Variants in RAPGEF6 observed in about 807,000 individuals in gnomAD.
RAPGEF6 encodes Rap guanine nucleotide exchange factor 6, also known as PDZ domain containing guanine nucleotide exchange factor (GEF) 2.
A neutral mutation model predicts 171.4 loss-of-function variants in RAPGEF6; 56 were observed. The ratio of observed to expected loss-of-function variants is 0.33; its 90% CI spans 0.26 to 0.41. The LOEUF is 0.41. Ranked by LOEUF, RAPGEF6 falls within the 10% of genes least tolerant of loss-of-function variation. The pLI is 1.00. For missense variants in RAPGEF6, 1,674 were observed against 1,921.4 expected (o/e 0.87, Z 2.41); for synonymous variants, 692 against 650.1 (o/e 1.06, Z -0.98).
intron 4 of RAPGEF6, among the ~76,000 whole-genome samples, chr5:131,565,956 T>C (rs897725921): frequency 1.3e-5 from 2 of 151,882 alleles, no homozygotes; most frequent in African/African-American, 2.4e-5. Context: ...GACCAGCCTG[T>C]CCAACATGGC....
intron 6 of RAPGEF6, among the ~76,000 whole-genome samples, chr5:131,522,687 C>T (rs1758579187): frequency 6.6e-6 from 1 of 152,112 alleles, no homozygotes. Context: ...CAGTATCTGG[C>T]CTCTGACGTT....
chr5:131,443,596 T>C (rs544475761), intron 22 of RAPGEF6, among the ~76,000 whole-genome samples: 2 of 152,348 alleles, frequency 1.3e-5, no homozygotes, highest in South Asian at 2.1e-4. Context: ...AACTTGCCCC[T>C]GCTTTTAGAA....
chr5:131,544,506 CCA>C (rs1760376790), intron 6 of RAPGEF6, among the ~76,000 whole-genome samples: 1 of 151,882 alleles, frequency 6.6e-6, no homozygotes, highest in Non-Finnish European at 1.5e-5. Flanking sequence ...TAAGACTAAT[CCA>C]CAGTGACAGA....
chr5:131,449,361 G>T (rs1165084769), intron 21 of RAPGEF6, among the ~76,000 whole-genome samples: 2 of 152,182 alleles, frequency 1.3e-5, no homozygotes, highest in African/African-American at 4.8e-5. Context: ...TTCAGTCAAT[G>T]CTACAAGTAA....
In RAPGEF6 at chr5:131,573,197, C is replaced by A. The variant is rs112752337; in HGVS notation, c.282-11150G>T. 1.8e-3 allele frequency among the ~76,000 whole-genome samples: 272 copies of A among 152,224 alleles called. 1 individual carries two copies. The highest frequency in any genetic ancestry group is 5.8e-3 in the African/African-American group (241 of 41,536). ...AATTCTTCGGCAGCCTCTGCTCCCC[C>A]ACTCTATAACCCTTCCATTACCTCC... On this transcript the variant is annotated intron_variant, in intron 4 of 27. Coordinates refer to ENST00000509018, the MANE Select transcript of RAPGEF6 (RefSeq NM_016340.6).
chr5:131,613,434 T>C (rs1316866343), intron 1 of RAPGEF6, among the ~76,000 whole-genome samples: 1 of 143,992 alleles, frequency 6.9e-6, no homozygotes, highest in African/African-American at 2.5e-5. Context: ...TGTGACTCTC[T>C]CTCTCTCTTC....
At chr5:131,597,884 G>A (rs2150009155) in intron 3 of RAPGEF6, among the ~76,000 whole-genome samples, 2 of 152,208 alleles carry the variant, frequency 1.3e-5, no homozygotes, top group South Asian at 4.1e-4. Context: ...ACCAAAAAAT[G>A]ATTAAATGTA....
Position 131,446,511 on chromosome 5 carries a change from T to C in RAPGEF6, c.3393A>G (p.Ser1131=). ...TACCATATGCAGGCTCCCACTGTAA[T>C]GACATCATCTGGAACTTCTCCTCAT... is the stretch of plus-strand genomic sequence containing the variant. The part of the protein sequence containing the change: ...ETDEEKFQMM[S]LQWEPAYGTL... The change falls in exon 22 of 28, where the codon TCA becomes TCG. Residue 1131 remains serine (S), a synonymous_variant. Coordinates refer to ENST00000509018, the MANE Select transcript of RAPGEF6 (RefSeq NM_016340.6). 1 of 1,614,222 alleles carries C rather than the reference T, an allele frequency of 6.2e-7. No individual in the cohort carries two copies. Among genetic ancestry groups the C allele is most frequent in the South Asian group, 1.1e-5 (1 of 91,088 alleles).
In RAPGEF6 at chr5:131,548,054, T is replaced by G. The variant is rs759727124; in HGVS notation, c.488A>C (p.Tyr163Ser). Residue 163 changes from tyrosine to serine, a missense_variant, in exon 6 of 28, where the codon TAT becomes TCT. Tyr to Ser is a moderately radical substitution (Grantham distance 144). Around this residue, in one of 3 missense-constraint regions of RAPGEF6, gnomAD observed 1,116 missense variants for 1,321.5 expected, o/e 0.84. Coordinates refer to ENST00000509018, the MANE Select transcript of RAPGEF6 (RefSeq NM_016340.6). ...GTTCCTAAATATACTCACAGAAAGA[T>G]AGCTGTTAACCTCCACATCATCAGT... is the stretch of plus-strand genomic sequence containing the variant. ...TITDDVEVNSYLSLPADLTKM... is the reference protein window; with the variant it reads ...TITDDVEVNSSLSLPADLTKM... The G allele has an allele frequency of 6.2e-7, 1 of 1,613,582 alleles. No individual in the cohort carries two copies. The highest frequency in any genetic ancestry group is 8.5e-7 in the Non-Finnish European group (1 of 1,179,812).
At chr5:131,496,728 C>T (rs192548848) in intron 12 of RAPGEF6, among the ~76,000 whole-genome samples, 8 of 152,152 alleles carry the variant, frequency 5.3e-5, no homozygotes, top group African/African-American at 1.4e-4. Flanking sequence ...TATTGTACGG[C>T]TATACCACAT....
rs371030540 is a variant in RAPGEF6 at position 131,433,526 on chromosome 5, C to G, written c.3878G>C (p.Cys1293Ser). 9 of 1,613,826 alleles carry G rather than the reference C, an allele frequency of 5.6e-6. No homozygotes were observed. Among genetic ancestry groups the G allele is most frequent in the Non-Finnish European group, 6.8e-6 (8 of 1,179,736 alleles). ...AGGGACTGCCAGGGCCTGAGAGGAA[C>G]ACCGTTCATCCTGTAGAGCTGCAGA... is the stretch of plus-strand genomic sequence containing the variant. ...SMSAALQDERCSSQALAVPES... is the reference protein window; with the variant it reads ...SMSAALQDERSSSQALAVPES... Residue 1293 changes from cysteine (C) to serine (S), a missense_variant, in exon 25 of 28, where the codon TGT becomes TCT. Physicochemically the swap from Cys to Ser is moderately radical, Grantham distance 112 (BLOSUM62 -1). This residue lies in a region of RAPGEF6 where 552 missense variants were observed against 574.2 expected (regional missense o/e 0.96). Coordinates refer to ENST00000509018, the MANE Select transcript of RAPGEF6 (RefSeq NM_016340.6).
Position 131,472,662 on chromosome 5 carries a change from G to A in RAPGEF6, c.2164C>T (p.Pro722Ser), listed in dbSNP as rs1307292226. Reference sequence around the variant, plus strand: ...GGGCTGCTGGATGAGAGTGTTCCAGGGATGGGCATTATAGCCAGACTATGC... The same window carrying A: ...GGGCTGCTGGATGAGAGTGTTCCAGAGATGGGCATTATAGCCAGACTATGC... ...CRHSLAIMPI[P>S]GTLSSSSPDL... is the part of the protein sequence containing the mutation. Residue 722 changes from proline (P) to serine (S), a missense_variant, in exon 17 of 28, where the codon CCT becomes TCT. By Grantham distance (74) the Pro-to-Ser change is moderately conservative (BLOSUM62 -1). Transcript: ENST00000509018. 6.2e-7 allele frequency: 1 copy of A among 1,613,642 alleles called. No individual in the cohort carries two copies. The highest frequency in any genetic ancestry group is 1.7e-5 in the Admixed American group (1 of 60,016).
intron 3 of RAPGEF6, among the ~76,000 whole-genome samples, chr5:131,598,205 T>A (rs1451201365): frequency 6.6e-6 from 1 of 151,468 alleles, no homozygotes; most frequent in African/African-American, 2.4e-5. Context: ...TTCACATGAG[T>A]GGGTATTTTA....
chr5:131,538,326 C>T (rs772296195), intron 6 of RAPGEF6, among the ~76,000 whole-genome samples: 1 of 152,122 alleles, frequency 6.6e-6, no homozygotes, highest in East Asian at 1.9e-4. Flanking sequence ...GAAACCTAGA[C>T]GGTATAGCCT....
At chr5:131,519,810 C>T (rs185068019) in intron 7 of RAPGEF6, among the ~76,000 whole-genome samples, 2 of 152,318 alleles carry the variant, frequency 1.3e-5, no homozygotes, top group East Asian at 3.9e-4. Context: ...TGGAAAAACA[C>T]AGTCTACTTT....
Position 131,426,759 on chromosome 5 carries a change from C to T in RAPGEF6, c.*507G>A. 2 of 172,188 alleles carry T rather than the reference C, an allele frequency of 1.2e-5. No homozygotes were observed. Among genetic ancestry groups the T allele is most frequent in the South Asian group, 1.5e-4 (1 of 6,774 alleles). The allele number at this position is 172,188 out of a possible 1,614,324, so 10.7% of individuals were successfully genotyped here. On this transcript the variant is annotated 3_prime_UTR_variant, in exon 28 of 28. Coordinates refer to ENST00000509018, the MANE Select transcript of RAPGEF6 (RefSeq NM_016340.6). ...GTCAGACCAGAGACAATTTTATGAC[C>T]TCAAACATGAATATCAGCTAACAAG...
At chr5:131,543,488 T>C (rs6878488) in intron 6 of RAPGEF6, among the ~76,000 whole-genome samples, 12,337 of 152,108 alleles carry the variant, frequency 0.081, 1,044 homozygotes, top group African/African-American at 0.22. Flanking sequence ...AGAAACGACA[T>C]GGGCAAATTA....
chr5:131,478,436 T>C (rs1466933003), intron 16 of RAPGEF6, among the ~76,000 whole-genome samples: 1 of 152,198 alleles, frequency 6.6e-6, no homozygotes, highest in African/African-American at 2.4e-5. Flanking sequence ...TGTCTTCTTA[T>C]GGCTCCCTGT....
In RAPGEF6 at chr5:131,479,772, T is replaced by C; in HGVS notation, c.1841-19A>G. The C allele has an allele frequency of 6.3e-7, 1 of 1,599,188 alleles. No homozygotes were observed. Among genetic ancestry groups the C allele is most frequent in the Non-Finnish European group, 8.5e-7 (1 of 1,173,450 alleles). ...TTGAACACTGTGGAAATAAAACAAA[T>C]GCGTCATTTTATTTCTTCTCTTCAG... On this transcript the variant is annotated intron_variant, in intron 15 of 27. Coordinates refer to ENST00000509018, the MANE Select transcript of RAPGEF6 (RefSeq NM_016340.6).
Sources: gnomAD v4.1 joint callset for allele counts (sites outside exome capture counted in the v4.1 genomes callset) on GRCh38, gnomAD v4.1.1 for gene constraint, gnomAD v4.1.1 regional missense constraint, MANE v1.5 for transcripts, NCBI Gene and HGNC (gene_info 2026-07-23, HGNC 2026-07-21) for gene names.